ZNF704: variants seen among roughly 807,000 people sequenced by gnomAD.
ZNF704 encodes the protein glucocorticoid induced gene 1.
A neutral mutation model predicts 44.7 loss-of-function variants in ZNF704; 10 were observed. The observed-to-expected ratio is 0.22, with a 90% CI of 0.14 to 0.38. The LOEUF is 0.38. ZNF704 is among the 10% of genes least tolerant of loss of function. The pLI, the probability that ZNF704 is intolerant of heterozygous loss-of-function variation, is 1.00. For missense variants in ZNF704, 390 were observed against 545.5 expected (o/e 0.71, Z 2.84); for synonymous variants, 211 against 207.6 (o/e 1.02, Z -0.14).
At chr8:80,815,517 C>A (rs1267090239) in intron 2 of ZNF704, among the ~76,000 whole-genome samples, 1 of 152,178 alleles carries the variant, frequency 6.6e-6, no homozygotes, top group South Asian at 2.1e-4. Context: ...CAATGCTTAA[C>A]TGTTGAATTA....
At chr8:80,748,083 C>T (rs1346207927) in intron 2 of ZNF704, among the ~76,000 whole-genome samples, 3 of 152,192 alleles carry the variant, frequency 2.0e-5, no homozygotes, top group Non-Finnish European at 2.9e-5. Context: ...CTCCTACAAA[C>T]GGCAAGGCTT....
chr8:80,766,862 G>A (rs748434642), intron 2 of ZNF704, among the ~76,000 whole-genome samples: 7 of 152,140 alleles, frequency 4.6e-5, no homozygotes, highest in South Asian at 2.1e-4. Flanking sequence ...ACAGGCATGC[G>A]TCACCATGCT....
intron 2 of ZNF704, among the ~76,000 whole-genome samples, chr8:80,703,537 T>A (rs1209847035): frequency 1.3e-5 from 2 of 152,186 alleles, no homozygotes; most frequent in African/African-American, 4.8e-5. Flanking sequence ...TGCAGTGGTG[T>A]GAACATGGCT....
intron 1 of ZNF704, among the ~76,000 whole-genome samples, chr8:80,835,531 C>T (rs975444100): frequency 2.0e-5 from 3 of 152,080 alleles, no homozygotes; most frequent in Admixed American, 6.5e-5. Flanking sequence ...AGGGAGGGGA[C>T]GAGTCAGTTA....
At chr8:80,726,234 A>AT (rs910048898) in intron 2 of ZNF704, among the ~76,000 whole-genome samples, 2 of 152,102 alleles carry the variant, frequency 1.3e-5, no homozygotes, top group Non-Finnish European at 2.9e-5. Context: ...TAAATTTGCA[A>AT]TTTTTTTCTT....
intron 4 of ZNF704, among the ~76,000 whole-genome samples, chr8:80,679,767 C>T (rs572037504): frequency 3.2e-4 from 49 of 152,298 alleles, no homozygotes; most frequent in Admixed American, 7.8e-4. Flanking sequence ...ATTTAACACC[C>T]GCAACAGGCC....
intron 1 of ZNF704, among the ~76,000 whole-genome samples, chr8:80,864,468 CAT>C (rs575282311): frequency 6.4e-4 from 98 of 152,222 alleles, no homozygotes; most frequent in Middle Eastern, 6.8e-3. Flanking sequence ...TTTACATATA[CAT>C]GTGTGTGTTA....
chr8:80,675,179 G>C (rs1156279592), intron 4 of ZNF704, among the ~76,000 whole-genome samples: 1 of 152,230 alleles, frequency 6.6e-6, no homozygotes, highest in Non-Finnish European at 1.5e-5. Context: ...GCTGGGACCT[G>C]AAAGTTGGAG....
intron 4 of ZNF704, among the ~76,000 whole-genome samples, chr8:80,676,369 G>C (rs752232213): frequency 6.6e-6 from 1 of 152,192 alleles, no homozygotes; most frequent in Non-Finnish European, 1.5e-5. Flanking sequence ...GCAGGGGTTA[G>C]CTACAGGATG....
chr8:80,755,341 G>A (rs932938382), intron 2 of ZNF704, among the ~76,000 whole-genome samples: 9 of 152,170 alleles, frequency 5.9e-5, no homozygotes, highest in African/African-American at 2.2e-4. Flanking sequence ...TGTAATCCCA[G>A]CTACTCAGGA....
intron 2 of ZNF704, among the ~76,000 whole-genome samples, chr8:80,750,610 G>A (rs1806925615): frequency 6.6e-6 from 1 of 151,702 alleles, no homozygotes; most frequent in Non-Finnish European, 1.5e-5. Context: ...CTGCCTCCTG[G>A]GTTCACGCCA....
chr8:80,747,341 G>T (rs768375301), intron 2 of ZNF704, among the ~76,000 whole-genome samples: 18 of 151,772 alleles, frequency 1.2e-4, no homozygotes, highest in Non-Finnish European at 2.4e-4. Flanking sequence ...CCTGTTTATG[G>T]GACTTGAATA....
At chr8:80,876,516 G>A (rs1403968048), upstream of ZNF704, among the ~76,000 whole-genome samples, 1 of 152,146 alleles carries the variant, frequency 6.6e-6, no homozygotes, top group African/African-American at 2.4e-5. Flanking sequence ...GTATGGAGGA[G>A]GTGGAGGAGG....
chr8:80,675,560 A>G lies in ZNF704; in HGVS notation c.559-4957T>C, dbSNP rs534457278. On this transcript the variant is annotated intron_variant, in intron 4 of 8. Coordinates refer to ENST00000327835, the MANE Select transcript of ZNF704 (RefSeq NM_001033723.3). ...TCAGTGCATGAAGTCACTGCAGGTG[A>G]GAAGAGATGGTGGCTTAGAGGCTTT... 2.0e-5 allele frequency among the ~76,000 whole-genome samples: 3 copies of G among 152,196 alleles called. No individual in the cohort carries two copies. In the South Asian group the frequency reaches 6.2e-4, roughly 32 times the overall value.
At chr8:80,830,615 T>A (rs1808453659) in intron 1 of ZNF704, among the ~76,000 whole-genome samples, 1 of 151,862 alleles carries the variant, frequency 6.6e-6, no homozygotes, top group South Asian at 2.1e-4. Context: ...AGGAATGTTG[T>A]GGCATTTAAA....
intron 2 of ZNF704, among the ~76,000 whole-genome samples, chr8:80,708,560 A>G (rs1264390522): frequency 6.6e-6 from 1 of 152,250 alleles, no homozygotes; most frequent in Non-Finnish European, 1.5e-5. Flanking sequence ...GCTGGAATTA[A>G]TATTTAATGT....
intron 6 of ZNF704, among the ~76,000 whole-genome samples, chr8:80,662,278 ATTTT>A (rs577672072): frequency 4.4e-4 from 67 of 152,272 alleles, no homozygotes; most frequent in Admixed American, 3.2e-3. Flanking sequence ...TTAGGGATGA[ATTTT>A]CTTTCTTTAC....
At chr8:80,764,586 T>A (rs1293970101) in intron 2 of ZNF704, among the ~76,000 whole-genome samples, 3 of 152,178 alleles carry the variant, frequency 2.0e-5, no homozygotes, top group African/African-American at 4.8e-5. Flanking sequence ...GTTTTTCACT[T>A]GTGTTTTCAC....
chr8:80,756,847 C>T (rs1473039109), intron 2 of ZNF704, among the ~76,000 whole-genome samples: 2 of 152,202 alleles, frequency 1.3e-5, no homozygotes, highest in Non-Finnish European at 2.9e-5. Flanking sequence ...CACACAGTCA[C>T]TGCCCTCTGC....
Sources: allele counts gnomAD v4.1 joint callset (sites outside exome capture counted in the v4.1 genomes callset), GRCh38; gene constraint gnomAD v4.1.1; transcripts MANE v1.5; gene names NCBI Gene and HGNC (gene_info 2026-07-23, HGNC 2026-07-21).